Variants in NT5DC4 observed in about 807,000 individuals in gnomAD.
NT5DC4 encodes the protein 5'-nucleotidase domain containing 4, also known as 5'-nucleotidase domain-containing protein 4.
A neutral mutation model predicts 26.6 loss-of-function variants in NT5DC4; 44 were observed. That is an observed-to-expected ratio of 1.65 (90% CI 1.30 to 2.13). The LOEUF is 2.13. NT5DC4 is among the 30% of genes most tolerant of loss of function. The pLI, the probability that NT5DC4 is intolerant of heterozygous loss-of-function variation, is 0.00. For synonymous variants in NT5DC4, 157 were observed against 86.7 expected (o/e 1.81, Z -4.51); for missense variants, 399 against 228.1 (o/e 1.75, Z -4.83).
chr2:112,737,932 A>C (rs1679435468), intron 16 of NT5DC4: 1 of 152,138 alleles, frequency 6.6e-6, no homozygotes, highest in Non-Finnish European at 1.5e-5. Flanking sequence ...GCTAAAATTT[A>C]AAATGTGTTG....
chr2:112,737,634 T>C (rs540280633), intron 16 of NT5DC4: 23 of 152,304 alleles, frequency 1.5e-4, no homozygotes, highest in African/African-American at 5.5e-4. Context: ...TACAGGTTTA[T>C]AGCTCAGTTT....
At chr2:112,728,711 G>A (rs1201325667) in intron 15 of NT5DC4, among the ~76,000 whole-genome samples, 2 of 152,156 alleles carry the variant, frequency 1.3e-5, no homozygotes, top group Middle Eastern at 3.2e-3. Context: ...GCTTTTCATC[G>A]ATTATGCTTA....
intron 16 of NT5DC4, among the ~76,000 whole-genome samples, chr2:112,729,921 A>G (rs1343061762): frequency 1.3e-5 from 2 of 152,158 alleles, no homozygotes; most frequent in Non-Finnish European, 2.9e-5. Flanking sequence ...CTCCTTTGTT[A>G]GAGTATTATC....
chr2:112,738,939 C>T lies in NT5DC4; in HGVS notation c.*3C>T, dbSNP rs1290530790. ...TCATCAAGAGAAGCCACTACTAAAT[C>T]GTGTTCCTGCAGCATTTCTGGGTAG... On this transcript the variant is annotated 3_prime_UTR_variant, in exon 17 of 17. Transcript: ENST00000688554. 7.4e-6 allele frequency: 12 copies of T among 1,614,038 alleles called. No individual in the cohort carries two copies. The highest frequency in any genetic ancestry group is 5.5e-5 in the South Asian group (5 of 91,084).
upstream of NT5DC4, among the ~76,000 whole-genome samples, chr2:112,719,924 CTCTTTCTTTCTTTCTT>C (rs35714262): frequency 0.033 from 2,269 of 68,814 alleles, 46 homozygotes; most frequent in Middle Eastern, 0.053. Context: ...TTCTTTCTTT[CTCTTTCTTTCTTTCTT>C]TCTTTCTTTC....
chr2:112,724,216 C>G, intron 10 of NT5DC4, 90 bp downstream of exon 10: 1 of 710,662 alleles, frequency 1.4e-6, no homozygotes, highest in Non-Finnish European at 2.6e-6. Context: ...GGGCCTCTCC[C>G]ACGTCCAGCC....
Position 112,726,720 on chromosome 2 carries a change from C to T in NT5DC4, c.1248C>T (p.Phe416=), listed in dbSNP as rs1478787552. Reference sequence around the variant, plus strand: ...GTTGTGAGCTGCAAGTCATCAACTTCACCAAGAGAGAGATCCAGGTGGGAG... The same window carrying T: ...GTTGTGAGCTGCAAGTCATCAACTTTACCAAGAGAGAGATCCAGGTGGGAG... ...GSSCELQVIN[F]TKREIQMPHE... The change falls in exon 15 of 17, where the codon TTC becomes TTT. Residue 416 remains phenylalanine, a synonymous_variant. Coordinates refer to ENST00000688554, the MANE Select transcript of NT5DC4 (RefSeq NM_001393655.1). 1 of 717,542 alleles carries T rather than the reference C, an allele frequency of 1.4e-6. No homozygotes were observed. The highest frequency in any genetic ancestry group is 2.6e-6 in the Non-Finnish European group (1 of 385,104). The allele number at this position is 717,542 out of a possible 1,614,324, so 44.4% of individuals were successfully genotyped here.
At chr2:112,725,819 C>T (rs553502000) in intron 13 of NT5DC4, among the ~76,000 whole-genome samples, 2 of 152,232 alleles carry the variant, frequency 1.3e-5, no homozygotes, top group African/African-American at 4.8e-5. Context: ...TTTCTGCAGG[C>T]GGTGCCTTCC....
rs1677540853 is a variant in NT5DC4, at chr2:112,725,185, G to A, written c.927G>A (p.Lys309=). ...TVMAGAEDSG[K]LHVGTYTGPH... is the part of the protein sequence containing the mutation. ...CTCTGCCCCTCCAGGACTCAGGAAA[G>A]CTCCACGTGGGCACCTACACAGGGC... The change falls in exon 12 of 17, where the codon AAG becomes AAA. Residue 309 remains lysine, a synonymous_variant. Transcript: ENST00000688554. The A allele has an allele frequency of 7.0e-6, 5 of 716,124 alleles. No individual in the cohort carries two copies. The East Asian group carries it at 1.1e-4, about 15-fold the overall frequency. 44.4% of individuals were successfully genotyped at this position (716,124 alleles called of 1,614,324 possible).
chr2:112,735,904 C>G (rs1208908091), intron 16 of NT5DC4, among the ~76,000 whole-genome samples: 1 of 152,016 alleles, frequency 6.6e-6, no homozygotes, highest in Non-Finnish European at 1.5e-5. Flanking sequence ...TGTTGGTACC[C>G]AGGGTAATAC....
downstream of NT5DC4, among the ~76,000 whole-genome samples, chr2:112,739,620 C>T (rs747632167): frequency 1.2e-4 from 18 of 152,096 alleles, no homozygotes; most frequent in South Asian, 4.1e-4. Flanking sequence ...GGCCTAATAC[C>T]AAATTTGGTT....
chr2:112,742,222 C>T (rs555364441), downstream of NT5DC4, among the ~76,000 whole-genome samples: 32 of 152,276 alleles, frequency 2.1e-4, no homozygotes, highest in Admixed American at 5.2e-4. Flanking sequence ...TAATGTCACT[C>T]GTGTTTGGCA....
At chr2:112,740,333 TAC>T (rs1426093310), downstream of NT5DC4, among the ~76,000 whole-genome samples, 2 of 152,220 alleles carry the variant, frequency 1.3e-5, no homozygotes, top group Non-Finnish European at 2.9e-5. Flanking sequence ...AGAGTGGTGC[TAC>T]ACTCACATTT....
Position 112,722,074 on chromosome 2 carries a change from C to T in NT5DC4, c.237C>T (p.Arg79=), listed in dbSNP as rs1212421248. The T allele has an allele frequency of 4.2e-6, 3 of 717,116 alleles. No individual in the cohort carries two copies. Among genetic ancestry groups the T allele is most frequent in the South Asian group, 3.0e-5 (2 of 67,606 alleles). 44.4% of individuals were successfully genotyped at this position (717,116 alleles called of 1,614,324 possible). A position where few individuals can be genotyped will look rare whatever the true frequency, so the allele number is the denominator to read the frequency against. Residue 79 remains arginine, a synonymous_variant, in exon 3 of 17, where the codon CGC becomes CGT. Transcript: ENST00000688554. ...VCIGYPHEIL[R]YTYDPTFPTR... is the part of the protein sequence containing the mutation. ...TTGGGTACCCGCATGAGATCCTGCG[C>T]TACACCTACGACCCCACCTTCCCCA...
At chr2:112,738,634 A>T in intron 16 of NT5DC4, 1 of 595,848 alleles carries the variant, frequency 1.7e-6, no homozygotes. Context: ...AACTGGTCTT[A>T]AACACATAAA....
intron 16 of NT5DC4, chr2:112,737,936 T>C (rs889154257): frequency 8.5e-5 from 13 of 152,094 alleles, no homozygotes; most frequent in Admixed American, 2.0e-4. Flanking sequence ...AAATTTAAAA[T>C]GTGTTGACTA....
intron 13 of NT5DC4, 107 bp from the exon 14 acceptor site, chr2:112,726,131 C>A: frequency 1.4e-6 from 1 of 697,134 alleles, no homozygotes; most frequent in South Asian, 1.6e-5. Flanking sequence ...ATGCACACAG[C>A]TCAGGGTGTG....
In NT5DC4 at chr2:112,738,887, C is replaced by T. The variant is rs1458638484; in HGVS notation, c.1345-26C>T. 6.2e-7 allele frequency: 1 copy of T among 1,614,068 alleles called. No individual in the cohort carries two copies. Among genetic ancestry groups the T allele is most frequent in the East Asian group, 2.2e-5 (1 of 44,882 alleles). On this transcript the variant is annotated intron_variant, in intron 16 of 16. Transcript: ENST00000688554. ...CGCCTCATTTCTACGGAATATAAAA[C>T]ATTTTGTTTCTTCCACTTCTAACAG...
upstream of NT5DC4, among the ~76,000 whole-genome samples, chr2:112,719,950 C>T (rs1413393612): frequency 1.8e-5 from 2 of 110,766 alleles, no homozygotes; most frequent in African/African-American, 7.7e-5. Context: ...TTCTTTCTTT[C>T]TTTCTTTCTT....
Sources: allele counts gnomAD v4.1 joint callset (sites outside exome capture counted in the v4.1 genomes callset), GRCh38; gene constraint gnomAD v4.1.1; transcripts MANE v1.5; gene names NCBI Gene and HGNC (gene_info 2026-07-23, HGNC 2026-07-21).